STIL: variants seen among roughly 807,000 people sequenced by gnomAD.
STIL encodes SCL-interrupting locus protein.
A neutral mutation model predicts 110.1 loss-of-function variants in STIL; 55 were observed. That is an observed-to-expected ratio of 0.50 (90% CI 0.40 to 0.63). The LOEUF is 0.63. Among genes scored for constraint, STIL ranks in the 20% least tolerant of loss-of-function variants. The probability of loss-of-function intolerance (pLI) is 0.00; values close to 1 mark genes in which losing one functional copy is unlikely to be tolerated. For synonymous variants in STIL, 481 were observed against 530.0 expected, an observed-to-expected ratio of 0.91 and a Z score of 1.27; for missense variants, 1,358 against 1,530.0, an observed-to-expected ratio of 0.89 and a Z score of 1.87.
In STIL at chr1:47,269,709, T is replaced by G. The variant is rs975883372; in HGVS notation, c.2541A>C (p.Ala847=). 1.2e-6 allele frequency: 2 copies of G among 1,614,212 alleles called. No individual in the cohort carries two copies. The highest frequency in any genetic ancestry group is 1.7e-6 in the Non-Finnish European group (2 of 1,180,030). ...TCTCTTCAAAACTGGGAATATCAAC[T>G]GCTTTTAATGAAGATGCACTACCTG... ...SLPGSASSLK[A]VDIPSFEESN... Residue 847 remains alanine, a synonymous_variant, in exon 14 of 17, where the codon GCA becomes GCC. Transcript: ENST00000371877.
In STIL at chr1:47,304,724, G is replaced by A. The variant is rs61121898; in HGVS notation, c.152+165C>T. On this transcript the variant is annotated intron_variant, in intron 3 of 16. Coordinates refer to ENST00000371877, the MANE Select transcript of STIL (RefSeq NM_001048166.1). ...ATAAGATTATCTCTCAAAAGTACAA[G>A]GAACAGATGTTAAGAAGCAGAAGGA... Among the ~76,000 whole-genome samples, 1,584 of 152,254 alleles carry A rather than the reference G, an allele frequency of 0.01. 36 individuals carry two copies. Among genetic ancestry groups the A allele is most frequent in the African/African-American group, 0.037 (1,522 of 41,554 alleles).
rs1644903628 is a variant in STIL at position 47,273,592 on chromosome 1, A to T, written c.2218-1351T>A. 1.3e-5 allele frequency among the ~76,000 whole-genome samples: 2 copies of T among 152,120 alleles called. 1 individual carries two copies. Among genetic ancestry groups the T allele is most frequent in the South Asian group, 4.1e-4 (2 of 4,828 alleles). On this transcript the variant is annotated intron_variant, in intron 12 of 16. Transcript: ENST00000371877. ...TGGATATATCACATTGTGCTTTTCC[A>T]CTCATCAGCTGACAGACATTTAGGT... is the stretch of plus-strand genomic sequence containing the variant.
At chr1:47,254,587 G>A (rs1219493453) in intron 16 of STIL, among the ~76,000 whole-genome samples, 1 of 151,878 alleles carries the variant, frequency 6.6e-6, no homozygotes, top group African/African-American at 2.4e-5. Flanking sequence ...CTGGAGTGCA[G>A]TGGCGCAATC....
chr1:47,289,461 T>A lies in STIL; in HGVS notation c.997A>T (p.Ser333Cys). The change falls in exon 9 of 17, where the codon AGT (serine) becomes TGT (cysteine). Residue 333 changes from serine to cysteine, a missense_variant. Coordinates refer to ENST00000371877, the MANE Select transcript of STIL (RefSeq NM_001048166.1). ...IPDFRFQLLT[S>C]KETLHLFKNV... ...TTGAAAAGATGTAATGTTTCCTTAC[T>A]GGTTAGCAACTGAAACCGAAAGTCA... 1.2e-6 allele frequency: 2 copies of A among 1,614,010 alleles called. No homozygotes were observed. Among genetic ancestry groups the A allele is most frequent in the Non-Finnish European group, 8.5e-7 (1 of 1,179,882 alleles).
rs189188797 is a variant in STIL, at chr1:47,309,445, T to C, written c.44+831A>G. On this transcript the variant is annotated intron_variant, in intron 2 of 16. Coordinates refer to ENST00000371877, the MANE Select transcript of STIL (RefSeq NM_001048166.1). ...CCTTGCCCACCGACAAATTTTCAAA[T>C]AAGAGATGGCAGGGGGGTAGAACAC... is the stretch of plus-strand genomic sequence containing the variant. Among the ~76,000 whole-genome samples, 24 of 151,832 alleles carry C rather than the reference T, an allele frequency of 1.6e-4. No individual in the cohort carries two copies. In the East Asian group the frequency reaches 2.3e-3, roughly 15 times the overall value.
Position 47,250,556 on chromosome 1 carries a change from A to T in STIL, c.*580T>A, listed in dbSNP as rs1644157165. 1 of 159,674 alleles carries T rather than the reference A, an allele frequency of 6.3e-6. No homozygotes were observed. The highest frequency in any genetic ancestry group is 1.4e-5 in the Non-Finnish European group (1 of 72,424). 9.9% of individuals were successfully genotyped at this position (159,674 alleles called of 1,614,324 possible). Reference sequence around the variant, plus strand: ...ACAGTATAGCTGGGCGCAGTGGCTCACGCCTGTAATCCCAGCACTTTAGGA... The same window carrying T: ...ACAGTATAGCTGGGCGCAGTGGCTCTCGCCTGTAATCCCAGCACTTTAGGA... On this transcript the variant is annotated 3_prime_UTR_variant, in exon 17 of 17. Transcript: ENST00000371877.
intron 16 of STIL, among the ~76,000 whole-genome samples, chr1:47,256,851 G>A (rs534437984): frequency 2.6e-5 from 4 of 151,818 alleles, no homozygotes; most frequent in East Asian, 1.9e-4. Flanking sequence ...AAAATTAGCC[G>A]GGCATGGTGG....
chr1:47,268,069 C>T (rs1325712506), intron 14 of STIL, among the ~76,000 whole-genome samples: 2 of 152,194 alleles, frequency 1.3e-5, no homozygotes, highest in Non-Finnish European at 2.9e-5. Flanking sequence ...TGAAGCAAAT[C>T]TCAGATAACA....
chr1:47,253,123 T>C (rs1644234102), intron 16 of STIL, among the ~76,000 whole-genome samples: 1 of 152,246 alleles, frequency 6.6e-6, no homozygotes, highest in Admixed American at 6.5e-5. Flanking sequence ...AGCCTGCTAA[T>C]TACTGAGTCG....
In STIL at chr1:47,299,996, C is replaced by T. The variant is rs758719668; in HGVS notation, c.610G>A (p.Val204Met). The T allele has an allele frequency of 6.2e-7, 1 of 1,614,140 alleles. No individual in the cohort carries two copies. Among genetic ancestry groups the T allele is most frequent in the East Asian group, 2.2e-5 (1 of 44,880 alleles). The change falls in exon 6 of 17, where the codon GTG (valine) becomes ATG (methionine). Residue 204 changes from valine to methionine, a missense_variant. Transcript: ENST00000371877. ...TLANNFKCTP[V>M]KPIPIIPTAL... The stretch of plus-strand genomic sequence containing the variant: ...GTTGGAATAATGGGGATGGGCTTCA[C>T]AGGTGTGCATTTAAAGTTATTTGCT...
chr1:47,273,990 G>A (rs978105143), intron 12 of STIL, among the ~76,000 whole-genome samples: 4 of 152,224 alleles, frequency 2.6e-5, no homozygotes, highest in African/African-American at 9.6e-5. Flanking sequence ...TAACCACTAT[G>A]AGCTTCAATA....
At chr1:47,308,475 C>T (rs982273233) in intron 2 of STIL, among the ~76,000 whole-genome samples, 5 of 148,690 alleles carry the variant, frequency 3.4e-5, no homozygotes, top group Non-Finnish European at 7.5e-5. Context: ...ATGGTTAGAA[C>T]TGGAGATCAC....
At position 47,251,304 on chromosome 1, in the gene STIL, G is replaced by T; in HGVS notation, c.3699C>A (p.Thr1233=). Reference sequence around the variant, plus strand: ...GATGTTGAGTGAACTCTGCTTTCCCGGTTCGAAGGTTCACTGCAGGACTTG... The same window carrying T: ...GATGTTGAGTGAACTCTGCTTTCCCTGTTCGAAGGTTCACTGCAGGACTTG... ...LKPSPAVNLR[T]GKAEFTQHPE... The change falls in exon 17 of 17, where the codon ACC becomes ACA. Residue 1233 remains threonine (T), a synonymous_variant. Transcript: ENST00000371877. 1 of 1,613,816 alleles carries T rather than the reference G, an allele frequency of 6.2e-7. No individual in the cohort carries two copies. The highest frequency in any genetic ancestry group is 8.5e-7 in the Non-Finnish European group (1 of 1,179,794).
Position 47,250,973 on chromosome 1 carries a change from T to C in STIL, c.*163A>G. 1 of 644,886 alleles carries C rather than the reference T, an allele frequency of 1.6e-6. No individual in the cohort carries two copies. 39.9% of individuals were successfully genotyped at this position (644,886 alleles called of 1,614,324 possible). On this transcript the variant is annotated 3_prime_UTR_variant, in exon 17 of 17. Coordinates refer to ENST00000371877, the MANE Select transcript of STIL (RefSeq NM_001048166.1). ...TATTTGAACAATGAGAACTTAGTCC[T>C]ATCACCAGCCAGCCATCTCACAGAA...
intron 3 of STIL, 32 bp downstream of exon 3, chr1:47,304,857 G>T: frequency 1.4e-6 from 2 of 1,452,940 alleles, no homozygotes; most frequent in Non-Finnish European, 1.9e-6. Context: ...TGTTTATACT[G>T]GCTTGATTTG....
rs146950254 is a variant in STIL, at chr1:47,301,331, T to G, written c.453+230A>C. 2.9e-3 allele frequency among the ~76,000 whole-genome samples: 436 copies of G among 152,298 alleles called. 2 individuals are homozygous for G. Among genetic ancestry groups the G allele is most frequent in the African/African-American group, 9.9e-3 (411 of 41,560 alleles). On this transcript the variant is annotated intron_variant, in intron 5 of 16. Coordinates refer to ENST00000371877, the MANE Select transcript of STIL (RefSeq NM_001048166.1). ...TGTATACTCTAAACACTACCCTAAG[T>G]ACATCTTGAACTTTCTTATCTCGGT...
At position 47,273,761 on chromosome 1, in the gene STIL, C is replaced by T. The variant is rs78868947; in HGVS notation, c.2218-1520G>A. On this transcript the variant is annotated intron_variant, in intron 12 of 16. Coordinates refer to ENST00000371877, the MANE Select transcript of STIL (RefSeq NM_001048166.1). The stretch of plus-strand genomic sequence containing the variant: ...TTGTAAACACTATGATTTTCTGCTT[C>T]TCTACAAATGGTACTACTGTGCTCA... 6.8e-3 allele frequency among the ~76,000 whole-genome samples: 1,042 copies of T among 152,258 alleles called. 22 individuals carry two copies. The highest frequency in any genetic ancestry group is 0.046 in the Admixed American group (701 of 15,294).
At chr1:47,293,162 A>G (rs1386928184) in intron 8 of STIL, among the ~76,000 whole-genome samples, 1 of 152,182 alleles carries the variant, frequency 6.6e-6, no homozygotes, top group Non-Finnish European at 1.5e-5. Context: ...AACCTCCTTA[A>G]TTATTAAATA....
At chr1:47,253,455 G>A (rs1192130417) in intron 16 of STIL, among the ~76,000 whole-genome samples, 2 of 152,138 alleles carry the variant, frequency 1.3e-5, no homozygotes, top group African/African-American at 2.4e-5. Flanking sequence ...GACACACATA[G>A]TAGGCACTCA....
Sources: allele counts gnomAD v4.1 joint callset (sites outside exome capture counted in the v4.1 genomes callset), GRCh38; gene constraint gnomAD v4.1.1; transcripts MANE v1.5; gene names NCBI Gene and HGNC (gene_info 2026-07-23, HGNC 2026-07-21).